The following CATSPERB variants were observed in gnomAD, a reference collection of about 807,000 sequenced individuals.
The protein encoded by CATSPERB is catsper channel auxiliary subunit beta, also known as cation channel sperm-associated auxiliary subunit beta.
CATSPERB carries 93 observed loss-of-function variants against 128.3 expected under a neutral mutation model. The ratio of observed to expected loss-of-function variants is 0.72; its 90% CI spans 0.61 to 0.86. CATSPERB has a LOEUF of 0.86. CATSPERB is among the 40% of genes least tolerant of loss of function. The pLI is 0.00. For synonymous variants in CATSPERB, 381 were observed against 448.8 expected (o/e 0.85, Z 1.91); for missense variants, 1,153 against 1,329.5 (o/e 0.87, Z 2.06).
chr14:91,673,450 G>A (rs1444585485), intron 12 of CATSPERB, among the ~76,000 whole-genome samples: 1 of 152,130 alleles, frequency 6.6e-6, no homozygotes, highest in Non-Finnish European at 1.5e-5. Context: ...CCTTCTCCCT[G>A]GCAATACTTG....
chr14:91,715,446 G>A (rs2139773938), intron 5 of CATSPERB, among the ~76,000 whole-genome samples: 1 of 151,554 alleles, frequency 6.6e-6, no homozygotes, highest in East Asian at 1.9e-4. Context: ...CAGCTACTGA[G>A]GAGCCTGAGG....
At chr14:91,684,948 T>C (rs1444419494) in intron 10 of CATSPERB, among the ~76,000 whole-genome samples, 1 of 151,592 alleles carries the variant, frequency 6.6e-6, no homozygotes, top group Non-Finnish European at 1.5e-5. Context: ...TTGATTGATA[T>C]GGGGTCCTGG....
At chr14:91,590,323 G>A (rs937192306) in intron 23 of CATSPERB, among the ~76,000 whole-genome samples, 13 of 152,246 alleles carry the variant, frequency 8.5e-5, no homozygotes, top group Admixed American at 7.2e-4. Flanking sequence ...TTGAGGTCAG[G>A]AGTTTGAGAC....
chr14:91,633,559 C>T (rs560722219), intron 17 of CATSPERB, among the ~76,000 whole-genome samples: 23 of 151,918 alleles, frequency 1.5e-4, no homozygotes, highest in Non-Finnish European at 2.6e-4. Flanking sequence ...ATTAGCAAAC[C>T]GAGTCCAGAA....
chr14:91,686,412 C>CTACCTGTCTAAACA (rs1195336228), intron 10 of CATSPERB, among the ~76,000 whole-genome samples: 1 of 152,164 alleles, frequency 6.6e-6, no homozygotes, highest in African/African-American at 2.4e-5. Flanking sequence ...ACATGTTCAA[C>CTACCTGTCTAAACA]TACCTGTCTA....
intron 11 of CATSPERB, among the ~76,000 whole-genome samples, chr14:91,682,713 A>T (rs2139838982): frequency 6.6e-6 from 1 of 152,324 alleles, no homozygotes; most frequent in East Asian, 1.9e-4. Context: ...AAAAATGGGC[A>T]TCCTGGTGGT....
rs372122775 is a variant in CATSPERB at position 91,598,158 on chromosome 14, C to A, written c.2710-6156G>T. Among the ~76,000 whole-genome samples the A allele has an allele frequency of 5.1e-4, 78 of 151,550 alleles. 2 individuals are homozygous for A. In the East Asian group the frequency reaches 0.013, roughly 25 times the overall value. ...GATTCTTTCTTATATAAAATTATTT[C>A]TTTTTAAGCTTTTTTACCTAAAAAT... is the stretch of plus-strand genomic sequence containing the variant. On this transcript the variant is annotated intron_variant, in intron 22 of 26. Coordinates refer to ENST00000256343, the MANE Select transcript of CATSPERB (RefSeq NM_024764.4).
At position 91,668,307 on chromosome 14, in the gene CATSPERB, A is replaced by G. The variant is rs186496864; in HGVS notation, c.1287+1507T>C. ...TAGCTAAAGGTTTGTAAACGCACCA[A>G]TCAGAACTCTGTGAAAACACACCAA... On this transcript the variant is annotated intron_variant, in intron 14 of 26. Transcript: ENST00000256343. Among the ~76,000 whole-genome samples the G allele has an allele frequency of 4.7e-5, 7 of 149,648 alleles. No individual in the cohort carries two copies. The East Asian group carries it at 1.3e-3, about 29-fold the overall frequency.
chr14:91,652,722 C>CAAG (rs1057058995), intron 15 of CATSPERB, among the ~76,000 whole-genome samples: 2 of 145,140 alleles, frequency 1.4e-5, no homozygotes. Flanking sequence ...CAGCAAGAGG[C>CAAG]AAGAGGGAGC....
chr14:91,595,904 C>G (rs529350160), intron 22 of CATSPERB, among the ~76,000 whole-genome samples: 25 of 152,140 alleles, frequency 1.6e-4, no homozygotes, highest in Non-Finnish European at 3.5e-4. Flanking sequence ...AAATTTTGTT[C>G]ACAGGGGTAT....
At chr14:91,729,224 A>G (rs1896170866) in intron 2 of CATSPERB, among the ~76,000 whole-genome samples, 177 bp downstream of exon 2, 1 of 152,188 alleles carries the variant, frequency 6.6e-6, no homozygotes, top group South Asian at 2.1e-4. Context: ...CTGTAATCCC[A>G]GGTACTCGGG....
Position 91,669,810 on chromosome 14 carries a change from G to A in CATSPERB, c.1287+4C>T, listed in dbSNP as rs748735317. On this transcript the variant is annotated splice_donor_region_variant and intron_variant, in intron 14 of 26. Transcript: ENST00000256343. ...ACACAGACTGAAGTTCCATGTGTAC[G>A]CACCTGATTGCCATAAGCATACAAA... The A allele has an allele frequency of 2.1e-4, 342 of 1,608,978 alleles. No homozygotes were observed. The highest frequency in any genetic ancestry group is 2.5e-4 in the Non-Finnish European group (297 of 1,177,876).
At chr14:91,592,232 T>C (rs1893421831) in intron 22 of CATSPERB, 3 of 505,892 alleles carry the variant, frequency 5.9e-6, no homozygotes, top group Non-Finnish European at 1.1e-5. Flanking sequence ...CCGCTTGCCG[T>C]TCACCTCGTG....
rs1275103342 is a variant in CATSPERB at position 91,589,538 on chromosome 14, T to C, written c.2952A>G (p.Lys984=). The C allele has an allele frequency of 3.1e-6, 5 of 1,612,258 alleles. No individual in the cohort carries two copies. The highest frequency in any genetic ancestry group is 4.2e-6 in the Non-Finnish European group (5 of 1,178,994). Residue 984 remains lysine, a synonymous_variant, in exon 24 of 27, where the codon AAA becomes AAG. Coordinates refer to ENST00000256343, the MANE Select transcript of CATSPERB (RefSeq NM_024764.4). ...VTEVNMRHNW[K]LKHTVPENIK... Reference sequence around the variant, plus strand: ...ACAGATGAAAGCAAACCCTACTCAGTTTCCAGTTGTGCCTCATGTTCACTT... The same window carrying C: ...ACAGATGAAAGCAAACCCTACTCAGCTTCCAGTTGTGCCTCATGTTCACTT...
intron 23 of CATSPERB, among the ~76,000 whole-genome samples, chr14:91,591,350 C>T (rs537919385): frequency 6.6e-5 from 10 of 152,174 alleles, no homozygotes; most frequent in African/African-American, 2.2e-4. Flanking sequence ...CCACCACACC[C>T]GGCCCCAACT....
At chr14:91,589,388 C>T in intron 24 of CATSPERB, 146 bp downstream of exon 24, 1 of 630,376 alleles carries the variant, frequency 1.6e-6, no homozygotes, top group Non-Finnish European at 2.5e-6. Flanking sequence ...TAGAAGTAAA[C>T]AGCAATATGC....
In CATSPERB at chr14:91,691,534, CA is replaced by C; in HGVS notation, c.852del (p.Cys284TrpfsTer9). The C allele has an allele frequency of 1.2e-6, 2 of 1,604,024 alleles. No homozygotes were observed. Among genetic ancestry groups the C allele is most frequent in the Non-Finnish European group, 1.7e-6 (2 of 1,174,956 alleles). ...ATAAAGCTTCTTACCCTTTCAAAAC[CA>C]CAAAAGTCTGCCCTGGAAAACTAGA... ...HSLSFSRADF[C>X]GFERVDYVKG... On this transcript the variant is annotated frameshift_variant, in exon 10 of 27. Coordinates refer to ENST00000256343, the MANE Select transcript of CATSPERB (RefSeq NM_024764.4). LOFTEE classifies it high-confidence loss of function.
chr14:91,603,074 G>C lies in CATSPERB; in HGVS notation c.2709+5220C>G, dbSNP rs535789860. 4.1e-5 allele frequency: 32 copies of C among 785,864 alleles called. No individual in the cohort carries two copies. In the African/African-American group the frequency reaches 4.9e-4, roughly 12 times the overall value. The allele number at this position is 785,864 out of a possible 1,614,324, so 48.7% of individuals were successfully genotyped here. A position where few individuals can be genotyped will look rare whatever the true frequency, so the allele number is the denominator to read the frequency against. ...TTTTGCCTTTTTGGGTTTTGGGCCT[G>C]CTTTTTTACATTTATTTCTTGGCAT... On this transcript the variant is annotated intron_variant, in intron 22 of 26. Coordinates refer to ENST00000256343, the MANE Select transcript of CATSPERB (RefSeq NM_024764.4).
At chr14:91,722,660 T>C (rs74795992) in intron 4 of CATSPERB, among the ~76,000 whole-genome samples, 198 of 152,320 alleles carry the variant, frequency 1.3e-3, no homozygotes, top group Admixed American at 3.2e-3. Flanking sequence ...TATGGAATTA[T>C]ATCTTAATAA....
Sources: allele counts gnomAD v4.1 joint callset (sites outside exome capture counted in the v4.1 genomes callset), GRCh38; gene constraint gnomAD v4.1.1; transcripts MANE v1.5; gene names NCBI Gene and HGNC (gene_info 2026-07-23, HGNC 2026-07-21).